UTRN: variants seen among roughly 807,000 people sequenced by gnomAD.
The protein encoded by UTRN is utrophin, also known as dystrophin-related protein 1.
A neutral mutation model predicts 463.9 loss-of-function variants in UTRN; 283 were observed. The observed-to-expected ratio is 0.61, with a 90% CI of 0.55 to 0.67. UTRN has a LOEUF of 0.67. Among genes scored for constraint, UTRN ranks in the 30% least tolerant of loss-of-function variants. The probability of loss-of-function intolerance (pLI) is 0.00; values close to 1 mark genes in which losing one functional copy is unlikely to be tolerated. For synonymous variants in UTRN, 1,442 were observed against 1,431.5 expected, an observed-to-expected ratio of 1.01 and a Z score of -0.17; for missense variants, 3,922 against 4,084.3, an observed-to-expected ratio of 0.96 and a Z score of 1.08.
At chr6:144,578,686 C>T (rs187325805) in intron 51 of UTRN, among the ~76,000 whole-genome samples, 1 of 152,298 alleles carries the variant, frequency 6.6e-6, no homozygotes, top group East Asian at 1.9e-4. Flanking sequence ...TCACATGGTT[C>T]TTCAAGGGCA....
At chr6:144,732,204 G>A (rs1488336987) in intron 54 of UTRN, among the ~76,000 whole-genome samples, 4 of 134,278 alleles carry the variant, frequency 3.0e-5, no homozygotes, top group African/African-American at 1.1e-4. Flanking sequence ...TTCCTTTTGA[G>A]TACTCTGTTT....
intron 26 of UTRN, among the ~76,000 whole-genome samples, chr6:144,480,975 C>T (rs1791800101): frequency 6.6e-6 from 1 of 151,952 alleles, no homozygotes; most frequent in Admixed American, 6.6e-5. Context: ...TTTAAAAATA[C>T]TCAGTACATA....
At chr6:144,786,830 C>G (rs976665646) in intron 61 of UTRN, among the ~76,000 whole-genome samples, 1 of 152,140 alleles carries the variant, frequency 6.6e-6, no homozygotes. Flanking sequence ...AGGATTGTCT[C>G]ATATGTTTTC....
intron 74 of UTRN, among the ~76,000 whole-genome samples, chr6:144,849,767 GAC>G (rs1240497408): frequency 3.3e-5 from 5 of 152,106 alleles, no homozygotes; most frequent in African/African-American, 1.2e-4. Context: ...CCAATTAATA[GAC>G]ACATCTCATT....
chr6:144,499,219 T>A, intron 33 of UTRN, 38 bp from the exon 34 acceptor site: 1 of 1,579,594 alleles, frequency 6.3e-7, no homozygotes, highest in Non-Finnish European at 8.6e-7. Context: ...TTCATTCCCA[T>A]CTCAGTCTCA....
At chr6:144,792,378 T>C (rs1277231773) in intron 62 of UTRN, among the ~76,000 whole-genome samples, 1 of 152,114 alleles carries the variant, frequency 6.6e-6, no homozygotes, top group African/African-American at 2.4e-5. Flanking sequence ...AGAAACCCTG[T>C]CTCTACTAAA....
chr6:144,357,431 C>T (rs1246601732), intron 2 of UTRN, among the ~76,000 whole-genome samples: 1 of 152,182 alleles, frequency 6.6e-6, no homozygotes, highest in East Asian at 1.9e-4. Context: ...GACATTGAAG[C>T]CCAACAATTT....
At chr6:144,302,339 C>T (rs1334749560) in intron 2 of UTRN, among the ~76,000 whole-genome samples, 4 of 151,940 alleles carry the variant, frequency 2.6e-5, no homozygotes, top group South Asian at 4.1e-4. Flanking sequence ...GCTGAAACCT[C>T]GTCTCTACTA....
intron 2 of UTRN, among the ~76,000 whole-genome samples, chr6:144,375,520 A>C (rs1393187937): frequency 6.6e-6 from 1 of 152,102 alleles, no homozygotes; most frequent in Non-Finnish European, 1.5e-5. Context: ...ATCATTTCAC[A>C]GTTTCCTGGT....
intron 50 of UTRN, among the ~76,000 whole-genome samples, chr6:144,574,030 T>C (rs1024736454): frequency 2.0e-5 from 3 of 152,132 alleles, no homozygotes; most frequent in Non-Finnish European, 4.4e-5. Flanking sequence ...AAAGGAGTCG[T>C]AGGATTGTGG....
intron 52 of UTRN, among the ~76,000 whole-genome samples, chr6:144,688,052 C>CT (rs1424376995): frequency 6.6e-6 from 1 of 152,000 alleles, no homozygotes; most frequent in Non-Finnish European, 1.5e-5. Context: ...TCTTTTCATT[C>CT]TTTTTTCTTT....
intron 51 of UTRN, among the ~76,000 whole-genome samples, chr6:144,593,084 T>A (rs1225595871): frequency 6.6e-6 from 1 of 152,204 alleles, no homozygotes; most frequent in Non-Finnish European, 1.5e-5. Flanking sequence ...GTAGATAGAA[T>A]TTTAGTAGAG....
At chr6:144,318,820 C>T (rs1775447139) in intron 2 of UTRN, among the ~76,000 whole-genome samples, 1 of 152,124 alleles carries the variant, frequency 6.6e-6, no homozygotes. Context: ...CCTGTAATCC[C>T]AGCACTTTGG....
At chr6:144,536,970 A>G (rs1026409293) in intron 43 of UTRN, among the ~76,000 whole-genome samples, 2 of 151,792 alleles carry the variant, frequency 1.3e-5, no homozygotes, top group Admixed American at 6.6e-5. Context: ...GTTTTTTTCT[A>G]TATCTCTTTT....
At chr6:144,822,341 A>C (rs1004927894) in intron 66 of UTRN, among the ~76,000 whole-genome samples, 14 of 152,122 alleles carry the variant, frequency 9.2e-5, no homozygotes, top group African/African-American at 2.9e-4. Context: ...CTCTATAGGT[A>C]ATGTCGTGTG....
intron 65 of UTRN, among the ~76,000 whole-genome samples, chr6:144,812,052 G>A (rs1173358867): frequency 6.6e-6 from 1 of 152,092 alleles, no homozygotes; most frequent in East Asian, 1.9e-4. Context: ...ACTGTTTGGA[G>A]CATTAAGGAA....
At chr6:144,301,807 T>A (rs1008945560) in intron 2 of UTRN, among the ~76,000 whole-genome samples, 1 of 152,060 alleles carries the variant, frequency 6.6e-6, no homozygotes, top group Non-Finnish European at 1.5e-5. Context: ...AATACTGGAT[T>A]ACAGGCGTGA....
intron 51 of UTRN, among the ~76,000 whole-genome samples, chr6:144,616,389 T>G (rs1045719991): frequency 1.3e-5 from 2 of 152,198 alleles, no homozygotes; most frequent in Non-Finnish European, 2.9e-5. Context: ...GAGAAATAAC[T>G]GTTAGCGAAT....
At chr6:144,295,063 A>G (rs925983816) in intron 2 of UTRN, among the ~76,000 whole-genome samples, 2 of 152,200 alleles carry the variant, frequency 1.3e-5, no homozygotes, top group African/African-American at 4.8e-5. Context: ...CAAGTACTGT[A>G]TTATTAACAG....
Sources: allele counts gnomAD v4.1 joint callset (sites outside exome capture counted in the v4.1 genomes callset), GRCh38; gene constraint gnomAD v4.1.1; transcripts MANE v1.5; gene names NCBI Gene and HGNC (gene_info 2026-07-23, HGNC 2026-07-21).